Variants in ERCC1 observed in about 807,000 individuals in gnomAD.
The protein encoded by ERCC1 is DNA excision repair protein ERCC-1.
Under a neutral mutation model 37.6 loss-of-function variants are expected in ERCC1, and 36 were observed. The observed-to-expected ratio is 0.96, with a 90% CI of 0.73 to 1.26. The LOEUF is 1.26. ERCC1 is among the 50% of genes most tolerant of loss of function. ERCC1 has a pLI of 0.00. For missense variants in ERCC1, 349 were observed against 376.5 expected, an observed-to-expected ratio of 0.93 and a Z score of 0.60; for synonymous variants, 156 against 162.1, an observed-to-expected ratio of 0.96 and a Z score of 0.28.
chr19:45,416,265 C>T (rs1412847837), intron 6 of ERCC1, among the ~76,000 whole-genome samples: 3 of 152,232 alleles, frequency 2.0e-5, no homozygotes, highest in Admixed American at 6.5e-5. Context: ...GAAGGGAAGT[C>T]AGCACACAAA....
In ERCC1 at chr19:45,423,789, C is replaced by T. The variant is rs989708529; in HGVS notation, c.-16G>A. ...GTCTCCGCCTCCCGCACCTGTGGTC[C>T]GGGCCTCACGGTTTCAGCGCCGCGA... is the stretch of plus-strand genomic sequence containing the variant. On this transcript the variant is annotated 5_prime_UTR_variant, in exon 1 of 10. Coordinates refer to ENST00000300853, the MANE Select transcript of ERCC1 (RefSeq NM_001983.4). 5.3e-6 allele frequency: 6 copies of T among 1,126,474 alleles called. No homozygotes were observed. In the East Asian group the frequency reaches 1.3e-4, roughly 25 times the overall value. The allele number at this position is 1,126,474 out of a possible 1,614,324, so 69.8% of individuals were successfully genotyped here.
Position 45,409,689 on chromosome 19 carries a change from A to G in ERCC1, c.880T>C (p.Leu294=), listed in dbSNP as rs1158054192. 6 of 1,054,282 alleles carry G rather than the reference A, an allele frequency of 5.7e-6. No individual in the cohort carries two copies. The highest frequency in any genetic ancestry group is 3.1e-5 in the African/African-American group (2 of 64,266). 65.3% of individuals were successfully genotyped at this position (1,054,282 alleles called of 1,614,324 possible). ...RLFDVLHEPF[L]KVP Reference sequence around the variant, plus strand: ...AGCTGGGGTCATCAGGGTACTTTCAAGAAGGGCTCGTGCAGGACATCAAAC... The same window carrying G: ...AGCTGGGGTCATCAGGGTACTTTCAGGAAGGGCTCGTGCAGGACATCAAAC... The change falls in exon 10 of 10, where the codon TTG becomes CTG. Residue 294 remains leucine (L), a synonymous_variant. Coordinates refer to ENST00000300853, the MANE Select transcript of ERCC1 (RefSeq NM_001983.4).
At chr19:45,434,853 G>A (rs1364036811) in intron 1 of ERCC1, among the ~76,000 whole-genome samples, 2 of 152,020 alleles carry the variant, frequency 1.3e-5, no homozygotes, top group Admixed American at 6.6e-5. Flanking sequence ...TTGGCTCACT[G>A]CAACCTCTGC....
At position 45,408,682 on chromosome 19, in the gene ERCC1, A is replaced by G. The variant is rs1973497612; in HGVS notation, c.*993T>C. 1 of 1,614,006 alleles carries G rather than the reference A, an allele frequency of 6.2e-7. No individual in the cohort carries two copies. The highest frequency in any genetic ancestry group is 8.5e-7 in the Non-Finnish European group (1 of 1,180,018). On this transcript the variant is annotated 3_prime_UTR_variant, in exon 10 of 10. Transcript: ENST00000300853. ...TGGGGACAGAGCCCACAGTGGAGAC[A>G]CTGGAGCCTCTGGGAGTGCTGTTCC...
chr19:45,430,973 G>A (rs948163974), intron 1 of ERCC1, among the ~76,000 whole-genome samples: 3 of 152,008 alleles, frequency 2.0e-5, no homozygotes, highest in Non-Finnish European at 4.4e-5. Context: ...ACTTAGTTGG[G>A]GGGTGGGGTC....
rs1046986625 is a variant in ERCC1, at chr19:45,409,557, C to G, written c.*118G>C. The stretch of plus-strand genomic sequence containing the variant: ...AAGCTGAAGGTGCCCACCTGGGCCA[C>G]CAGAAGGTGACACCCCCAGAATCCC... On this transcript the variant is annotated 3_prime_UTR_variant, in exon 10 of 10. Transcript: ENST00000300853. The G allele has an allele frequency of 1.9e-6, 3 of 1,573,252 alleles. No homozygotes were observed. In the African/African-American group the frequency reaches 4.1e-5, roughly 21 times the overall value.
intron 1 of ERCC1, among the ~76,000 whole-genome samples, chr19:45,450,224 C>A (rs1187021664): frequency 6.6e-6 from 1 of 152,152 alleles, no homozygotes; most frequent in East Asian, 1.9e-4. Flanking sequence ...TACTCCCATG[C>A]ATACAGGTCC....
intron 1 of ERCC1, among the ~76,000 whole-genome samples, chr19:45,431,427 C>T (rs953030773): frequency 6.6e-6 from 1 of 152,122 alleles, no homozygotes; most frequent in Non-Finnish European, 1.5e-5. Flanking sequence ...GCCTGTAATC[C>T]CAGCACTTTG....
intron 9 of ERCC1, chr19:45,413,403 A>T: frequency 1.6e-6 from 1 of 633,110 alleles, no homozygotes; most frequent in Non-Finnish European, 2.8e-6. Flanking sequence ...AGTAGCTGAG[A>T]CTACAGGCAC....
chr19:45,431,310 A>G (rs1974824959), intron 1 of ERCC1, among the ~76,000 whole-genome samples: 1 of 152,196 alleles, frequency 6.6e-6, no homozygotes, highest in African/African-American at 2.4e-5. Flanking sequence ...CAGGCTGTGC[A>G]TGGTGGTACA....
At chr19:45,440,332 A>G (rs961752622) in intron 1 of ERCC1, among the ~76,000 whole-genome samples, 29 of 151,780 alleles carry the variant, frequency 1.9e-4, no homozygotes, top group Admixed American at 1.8e-3. Flanking sequence ...CTCATCGCCA[A>G]TCTCCTGTCG....
intron 5 of ERCC1, 139 bp downstream of exon 5, chr19:45,418,959 T>G: frequency 2.8e-6 from 2 of 705,582 alleles, no homozygotes; most frequent in Non-Finnish European, 5.1e-6. Context: ...ACATAATGTC[T>G]TGGTGACCCA....
At position 45,429,811 on chromosome 19, in the gene ERCC1, G is replaced by A. The variant is rs548320414; in HGVS notation, c.-7-6430C>T. Reference sequence around the variant, plus strand: ...TATCATTATTATTATTTGAGACAGAGTCTCGCTCTGTCACCCAGGCTGTAG... The same window carrying A: ...TATCATTATTATTATTTGAGACAGAATCTCGCTCTGTCACCCAGGCTGTAG... On this transcript the variant is annotated intron_variant, in intron 1 of 8. Coordinates refer to the ERCC1 transcript ENST00000423698. Among the ~76,000 whole-genome samples, 29 of 152,116 alleles carry A rather than the reference G, an allele frequency of 1.9e-4. 1 individual carries two copies. The South Asian group carries it at 6.0e-3, about 32-fold the overall frequency.
chr19:45,439,192 C>A lies in ERCC1; in HGVS notation c.-7-15811G>T, dbSNP rs558939917. 3.3e-5 allele frequency among the ~76,000 whole-genome samples: 5 copies of A among 151,986 alleles called. No individual in the cohort carries two copies. The South Asian group carries it at 1.0e-3, about 32-fold the overall frequency. Reference sequence around the variant, plus strand: ...CAGAGCGAGACTCTGTCTCAAAAAACAAAAACAAACAAACAAAAAAACAAA... The same window carrying A: ...CAGAGCGAGACTCTGTCTCAAAAAAAAAAAACAAACAAACAAAAAAACAAA... On this transcript the variant is annotated intron_variant, in intron 1 of 8. Coordinates refer to the ERCC1 transcript ENST00000423698.
intron 1 of ERCC1, among the ~76,000 whole-genome samples, chr19:45,434,784 G>GT (rs202177715): frequency 2.7e-4 from 41 of 149,968 alleles, no homozygotes; most frequent in Non-Finnish European, 5.0e-4. Context: ...TATTTTTATT[G>GT]TTTTTTTTGA....
At chr19:45,422,997 G>T (rs1202178517) in intron 2 of ERCC1, among the ~76,000 whole-genome samples, 3 of 152,150 alleles carry the variant, frequency 2.0e-5, no homozygotes, top group African/African-American at 7.2e-5. Context: ...ATAAATTCAT[G>T]TCTTGAAAAA....
At chr19:45,437,822 G>C (rs752975971) in intron 1 of ERCC1, among the ~76,000 whole-genome samples, 6 of 152,186 alleles carry the variant, frequency 3.9e-5, no homozygotes, top group Non-Finnish European at 8.8e-5. Context: ...CTAATGTATT[G>C]TGTATTTCAA....
In ERCC1 at chr19:45,409,447, G is replaced by A; in HGVS notation, c.*228C>T. ...CACTGAATTCAGAGTCTGGGGAGGA[G>A]GCTCCCACAGGCCGGGACAAGAAGC... On this transcript the variant is annotated 3_prime_UTR_variant, in exon 10 of 10. Transcript: ENST00000300853. 6.2e-7 allele frequency: 1 copy of A among 1,613,260 alleles called. No homozygotes were observed. The highest frequency in any genetic ancestry group is 2.2e-5 in the East Asian group (1 of 44,888).
intron 6 of ERCC1, chr19:45,415,847 G>C (rs1300556478): frequency 2.2e-6 from 1 of 454,188 alleles, no homozygotes. Flanking sequence ...TCACTGTAAA[G>C]TGGGGTGGTC....
Sources: allele counts gnomAD v4.1 joint callset (sites outside exome capture counted in the v4.1 genomes callset), GRCh38; gene constraint gnomAD v4.1.1; transcripts MANE v1.5; gene names NCBI Gene and HGNC (gene_info 2026-07-23, HGNC 2026-07-21).